Variants in HIBCH observed in about 807,000 individuals in gnomAD.
HIBCH encodes 3-hydroxyisobutyryl-CoA hydrolase, mitochondrial.
Under a neutral mutation model 58.2 loss-of-function variants are expected in HIBCH, and 50 were observed. The ratio of observed to expected loss-of-function variants is 0.86; its 90% CI spans 0.68 to 1.09. HIBCH has a LOEUF of 1.09. Ranked by LOEUF, HIBCH falls within the 50% of genes least tolerant of loss-of-function variation. The probability of loss-of-function intolerance (pLI) is 0.00; values close to 1 mark genes in which losing one functional copy is unlikely to be tolerated. For synonymous variants in HIBCH, 151 were observed against 146.9 expected, an observed-to-expected ratio of 1.03 and a Z score of -0.20; for missense variants, 450 against 449.7, an observed-to-expected ratio of 1.00 and a Z score of -0.01.
Position 190,249,694 on chromosome 2 carries a change from C to T in HIBCH, c.696G>A (p.Leu232=). The change falls in exon 9 of 14, where the codon TTG becomes TTA. Residue 232 remains leucine (L), a synonymous_variant. Coordinates refer to ENST00000359678, the MANE Select transcript of HIBCH (RefSeq NM_014362.4). The part of the protein sequence containing the change: ...LAMLEEDLLA[L]KSPSKENIAS... ...CAATATTTTCTTTTGAAGGAGATTT[C>T]AAGGCTAACAAATCTTCCTCTAACA... 1 of 1,609,526 alleles carries T rather than the reference C, an allele frequency of 6.2e-7. No individual in the cohort carries two copies. The highest frequency in any genetic ancestry group is 8.5e-7 in the Non-Finnish European group (1 of 1,176,220).
intron 6 of HIBCH, among the ~76,000 whole-genome samples, chr2:190,267,589 TGCTAGTGCCATATTG>T (rs1687278188): frequency 6.6e-6 from 1 of 152,076 alleles, no homozygotes; most frequent in Non-Finnish European, 1.5e-5. Flanking sequence ...TCCATTTTAG[TGCTAGTGCCATATTG>T]TTCACTATGG....
intron 6 of HIBCH, among the ~76,000 whole-genome samples, chr2:190,261,546 T>C (rs1687088669): frequency 6.6e-6 from 1 of 152,088 alleles, no homozygotes; most frequent in African/African-American, 2.4e-5. Flanking sequence ...TACGATTTTT[T>C]TCCCTATGTA....
At position 190,249,741 on chromosome 2, in the gene HIBCH, G is replaced by T; in HGVS notation, c.664-15C>A. On this transcript the variant is annotated splice_polypyrimidine_tract_variant and intron_variant, in intron 8 of 13. Coordinates refer to ENST00000359678, the MANE Select transcript of HIBCH (RefSeq NM_014362.4). The stretch of plus-strand genomic sequence containing the variant: ...AACATGGCCAACTAAAGGGGAGGCA[G>T]AAAAAAAGGAAAGATCTTAGATCCA... The T allele has an allele frequency of 6.8e-7, 1 of 1,464,614 alleles. No individual in the cohort carries two copies. The highest frequency in any genetic ancestry group is 9.6e-7 in the Non-Finnish European group (1 of 1,046,398). The allele number at this position is 1,464,614 out of a possible 1,614,324, so 90.7% of individuals were successfully genotyped here. A position where few individuals can be genotyped will look rare whatever the true frequency, so the allele number is the denominator to read the frequency against.
downstream of HIBCH, chr2:190,199,742 G>A (rs1312181123): frequency 3.4e-5 from 51 of 1,506,084 alleles, no homozygotes; most frequent in South Asian, 5.7e-4. Context: ...ATTGATTACT[G>A]AAGTGCCCTG....
chr2:190,311,376 T>C (rs1688554076), intron 1 of HIBCH, among the ~76,000 whole-genome samples: 1 of 152,206 alleles, frequency 6.6e-6, no homozygotes, highest in Admixed American at 6.5e-5. Flanking sequence ...TCCTTATTAT[T>C]TGTCAAACTT....
At chr2:190,290,323 T>C (rs1400388888) in intron 5 of HIBCH, 82 bp downstream of exon 5, 2 of 943,042 alleles carry the variant, frequency 2.1e-6, no homozygotes, top group African/African-American at 1.6e-5. Flanking sequence ...AGGATGCCTA[T>C]TGATTGCATT....
intron 6 of HIBCH, among the ~76,000 whole-genome samples, chr2:190,271,026 ATTAT>A (rs1687382321): frequency 6.6e-6 from 1 of 152,036 alleles, no homozygotes; most frequent in African/African-American, 2.4e-5. Context: ...ATTATTATTA[ATTAT>A]TTACCATTCT....
intron 1 of HIBCH, among the ~76,000 whole-genome samples, chr2:190,313,175 C>A (rs1688603806): frequency 6.6e-6 from 1 of 152,196 alleles, no homozygotes; most frequent in Non-Finnish European, 1.5e-5. Context: ...TTGTTAAGCC[C>A]TATCCTACGT....
chr2:190,263,110 A>C (rs1442590958), intron 6 of HIBCH, among the ~76,000 whole-genome samples: 1 of 138,198 alleles, frequency 7.2e-6, no homozygotes, highest in Non-Finnish European at 1.6e-5. Flanking sequence ...ATTTGATTTT[A>C]CATTTTATTT....
At chr2:190,296,208 C>T (rs1048762224) in intron 3 of HIBCH, among the ~76,000 whole-genome samples, 3 of 152,152 alleles carry the variant, frequency 2.0e-5, no homozygotes, top group Non-Finnish European at 2.9e-5. Flanking sequence ...ATCACAAAGT[C>T]AGGAGATCAA....
rs1332435319 is a variant in HIBCH at position 190,207,295 on chromosome 2, T to C, written c.1045+1585A>G. On this transcript the variant is annotated intron_variant, in intron 13 of 13. Transcript: ENST00000359678. The surrounding 1 kb of genome is among the most constrained non-coding windows in gnomAD (Gnocchi z 4.5). ...TAACATATAATGAATACTTTAACAA[T>C]ATAACCCTGTATGCTTACAGGTCCT... 6.6e-6 allele frequency among the ~76,000 whole-genome samples: 1 copy of C among 152,154 alleles called. No individual in the cohort carries two copies. Among genetic ancestry groups the C allele is most frequent in the Non-Finnish European group, 1.5e-5 (1 of 68,036 alleles).
intron 6 of HIBCH, among the ~76,000 whole-genome samples, chr2:190,275,326 A>G (rs1024177760): frequency 6.6e-6 from 1 of 152,202 alleles, no homozygotes; most frequent in African/African-American, 2.4e-5. Context: ...CCTCTGTTCT[A>G]TATCTACTTA....
At chr2:190,309,741 A>T (rs1458367137) in intron 2 of HIBCH, among the ~76,000 whole-genome samples, 1 of 151,042 alleles carries the variant, frequency 6.6e-6, no homozygotes, top group Admixed American at 6.6e-5. Flanking sequence ...TTTTTTTTTT[A>T]GCAGAGATGG....
chr2:190,250,637 C>A (rs947267298), intron 8 of HIBCH: 39 of 182,392 alleles, frequency 2.1e-4, no homozygotes, highest in African/African-American at 9.2e-4. Context: ...CCTGTTATAG[C>A]TCAAGGGAAG....
rs551395526 is a variant in HIBCH, at chr2:190,252,085, C to T, written c.663+77G>A. ...TTCACCAGAAGTCTGTGGCTCTCAA[C>T]CACCCATTGTACCTTCCCATGCACT... On this transcript the variant is annotated intron_variant, in intron 8 of 13. Transcript: ENST00000359678. 883 of 1,372,746 alleles carry T rather than the reference C, an allele frequency of 6.4e-4. 2 individuals are homozygous for T. Among genetic ancestry groups the T allele is most frequent in the Non-Finnish European group, 8.9e-4 (858 of 963,168 alleles). 85.0% of individuals were successfully genotyped at this position (1,372,746 alleles called of 1,614,324 possible).
chr2:190,248,589 G>A (rs1398618582), intron 9 of HIBCH, among the ~76,000 whole-genome samples: 1 of 152,182 alleles, frequency 6.6e-6, no homozygotes, highest in African/African-American at 2.4e-5. Context: ...AGGGCCAGGT[G>A]CAGTGCTCAT....
In HIBCH at chr2:190,236,811, A is replaced by C. The variant is rs1204328950; in HGVS notation, c.891+8076T>G. Among the ~76,000 whole-genome samples the C allele has an allele frequency of 6.6e-6, 1 of 152,218 alleles. No homozygotes were observed. Among genetic ancestry groups the C allele is most frequent in the Non-Finnish European group, 1.5e-5 (1 of 68,026 alleles). ...TATAAAATGAAAAGATACTATCTAA[A>C]GATACAAGTACTACTATTTTATGTT... is the stretch of plus-strand genomic sequence containing the variant. On this transcript the variant is annotated intron_variant, in intron 11 of 13. Transcript: ENST00000359678. This position sits in a 1 kb window ranked among gnomAD's most constrained non-coding sequence, Gnocchi z 4.1.
intron 2 of HIBCH, among the ~76,000 whole-genome samples, chr2:190,301,308 G>C (rs965154734): frequency 3.3e-5 from 5 of 152,136 alleles, no homozygotes; most frequent in Non-Finnish European, 7.4e-5. Flanking sequence ...ATTCTAGTGG[G>C]GGAAGGAAAT....
At chr2:190,307,088 T>C (rs970565512) in intron 2 of HIBCH, among the ~76,000 whole-genome samples, 3 of 152,184 alleles carry the variant, frequency 2.0e-5, no homozygotes, top group Non-Finnish European at 1.5e-5. Flanking sequence ...AACACTATCA[T>C]CTACTATATT....
Sources: allele counts gnomAD v4.1 joint callset (sites outside exome capture counted in the v4.1 genomes callset), GRCh38; gene constraint gnomAD v4.1.1; non-coding constraint Gnocchi (gnomAD v3.1); transcripts MANE v1.5; gene names NCBI Gene and HGNC (gene_info 2026-07-23, HGNC 2026-07-21).